The following FOXJ3 variants were observed in gnomAD, a reference collection of about 807,000 sequenced individuals.
FOXJ3 encodes forkhead box J3.
Under a neutral mutation model 76.1 loss-of-function variants are expected in FOXJ3, and 22 were observed. The observed-to-expected ratio is 0.29, with a 90% CI of 0.21 to 0.41. FOXJ3 has a LOEUF of 0.41. FOXJ3 is among the 10% of genes least tolerant of loss of function. The probability of loss-of-function intolerance (pLI) is 1.00; values close to 1 mark genes in which losing one functional copy is unlikely to be tolerated. For missense variants in FOXJ3, 613 were observed against 762.1 expected, an observed-to-expected ratio of 0.80 and a Z score of 2.30; for synonymous variants, 269 against 261.2, an observed-to-expected ratio of 1.03 and a Z score of -0.29.
intron 6 of FOXJ3, among the ~76,000 whole-genome samples, chr1:42,205,082 G>C (rs1363669797): frequency 6.6e-6 from 1 of 152,142 alleles, no homozygotes; most frequent in Non-Finnish European, 1.5e-5. Context: ...TATGGCTCTG[G>C]AGTACTCATG....
At chr1:42,278,743 CA>C in intron 2 of FOXJ3, 71 bp from the exon 3 acceptor site, 3 of 1,138,338 alleles carry the variant, frequency 2.6e-6, no homozygotes, top group Non-Finnish European at 3.8e-6. Context: ...CCAATATTCA[CA>C]AATCTAGGAG....
chr1:42,271,952 C>T (rs879314711), intron 3 of FOXJ3, among the ~76,000 whole-genome samples: 1 of 152,138 alleles, frequency 6.6e-6, no homozygotes, highest in Admixed American at 6.5e-5. Flanking sequence ...CTGCACAGAG[C>T]CTGAAAATTT....
At chr1:42,249,525 G>A (rs1300854905) in intron 4 of FOXJ3, among the ~76,000 whole-genome samples, 5 of 152,182 alleles carry the variant, frequency 3.3e-5, no homozygotes, top group Admixed American at 1.3e-4. Context: ...GTAAAATGAG[G>A]CAAAGTGACG....
At chr1:42,298,062 C>G (rs929285547) in intron 2 of FOXJ3, among the ~76,000 whole-genome samples, 1 of 152,052 alleles carries the variant, frequency 6.6e-6, no homozygotes, top group African/African-American at 2.4e-5. Context: ...GGCAGTTACC[C>G]TCATACTGTT....
chr1:42,219,934 T>C (rs887654552), intron 5 of FOXJ3, among the ~76,000 whole-genome samples: 8 of 152,216 alleles, frequency 5.3e-5, no homozygotes, highest in Non-Finnish European at 1.2e-4. Flanking sequence ...AATAAAGTTT[T>C]GGAGTTTTCT....
chr1:42,253,131 C>A (rs1305571066), intron 4 of FOXJ3, among the ~76,000 whole-genome samples: 3 of 150,072 alleles, frequency 2.0e-5, no homozygotes, highest in Non-Finnish European at 3.0e-5. Flanking sequence ...GATACAAAAT[C>A]AATGTACAAA....
chr1:42,229,075 C>T (rs1429089012), intron 4 of FOXJ3, among the ~76,000 whole-genome samples: 1 of 152,100 alleles, frequency 6.6e-6, no homozygotes, highest in Non-Finnish European at 1.5e-5. Flanking sequence ...TGTTCCTGTC[C>T]TACACGCTGA....
chr1:42,325,880 C>G (rs1461655443), intron 1 of FOXJ3, among the ~76,000 whole-genome samples: 2 of 152,158 alleles, frequency 1.3e-5, no homozygotes, highest in Non-Finnish European at 2.9e-5. Context: ...ATAAGATAAT[C>G]AATAATTTAT....
chr1:42,332,183 G>C (rs1366649463), intron 1 of FOXJ3, among the ~76,000 whole-genome samples: 1 of 152,088 alleles, frequency 6.6e-6, no homozygotes. Context: ...AATGCTATTA[G>C]CCTATTTCAA....
chr1:42,299,970 A>G (rs1472825836), intron 2 of FOXJ3, among the ~76,000 whole-genome samples: 2 of 152,060 alleles, frequency 1.3e-5, no homozygotes, highest in Non-Finnish European at 2.9e-5. Flanking sequence ...TGGAAGGCCC[A>G]GGTGGGCGGA....
intron 3 of FOXJ3, among the ~76,000 whole-genome samples, chr1:42,269,317 A>T (rs1477583852): frequency 6.6e-6 from 1 of 152,160 alleles, no homozygotes; most frequent in Non-Finnish European, 1.5e-5. Flanking sequence ...GGAAAATACA[A>T]ATCAAGATGG....
At chr1:42,301,903 C>T (rs1268375666) in intron 2 of FOXJ3, among the ~76,000 whole-genome samples, 2 of 151,864 alleles carry the variant, frequency 1.3e-5, no homozygotes, top group East Asian at 3.9e-4. Context: ...AGAGTTGTTC[C>T]TCTGGTTGCT....
chr1:42,204,901 T>C (rs1206210889), intron 6 of FOXJ3, among the ~76,000 whole-genome samples: 2 of 152,102 alleles, frequency 1.3e-5, no homozygotes, highest in Non-Finnish European at 2.9e-5. Context: ...AAAAGGATCC[T>C]AGGAGTACCA....
intron 5 of FOXJ3, among the ~76,000 whole-genome samples, chr1:42,208,312 A>G (rs1426214226): frequency 6.6e-6 from 1 of 152,250 alleles, no homozygotes. Context: ...AATCATATTC[A>G]ACAGTTCAGT....
Position 42,277,796 on chromosome 1 carries a change from CAAAAAAAAAAAAAAAA to C in FOXJ3, c.369+536_369+551del, listed in dbSNP as rs889209417. On this transcript the variant is annotated intron_variant, in intron 3 of 12. Transcript: ENST00000361346. ...TGGGCGACAGAGCGAGACTCCGTCTCAAAAAAAAAAAAAAAAAAAAAAAAAAAAAAATCTGCTGGGC... is the reference window on the plus strand; with the variant it reads ...TGGGCGACAGAGCGAGACTCCGTCTCAAAAAAAAAAAAAAATCTGCTGGGC... 2.9e-3 allele frequency among the ~76,000 whole-genome samples: 6 copies of C among 2,040 alleles called. 1 individual carries two copies. The highest frequency in any genetic ancestry group is 0.025 in the East Asian group (1 of 40). 1.3% of individuals were successfully genotyped at this position (2,040 alleles called of 152,430 possible).
At chr1:42,248,709 A>T (rs972103541) in intron 4 of FOXJ3, among the ~76,000 whole-genome samples, 4 of 150,112 alleles carry the variant, frequency 2.7e-5, no homozygotes, top group Non-Finnish European at 4.4e-5. Context: ...GTCCAGAAAG[A>T]ACTCAAGTCT....
rs769710942 is a variant in FOXJ3 at position 42,278,306 on chromosome 1, T to C, written c.369+42A>G. The C allele has an allele frequency of 6.2e-6, 8 of 1,296,458 alleles. No individual in the cohort carries two copies. The South Asian group carries it at 6.6e-5, about 11-fold the overall frequency. 80.3% of individuals were successfully genotyped at this position (1,296,458 alleles called of 1,614,324 possible). A position where few individuals can be genotyped will look rare whatever the true frequency, so the allele number is the denominator to read the frequency against. On this transcript the variant is annotated intron_variant, in intron 3 of 12. Coordinates refer to ENST00000361346, the MANE Select transcript of FOXJ3 (RefSeq NM_014947.5). ...TTATTTTCAGTAGAAATCAACATCA[T>C]TGCTTACTTCATAAAAGTAATAATT...
intron 8 of FOXJ3, among the ~76,000 whole-genome samples, chr1:42,194,150 A>G (rs1425088921): frequency 6.6e-6 from 1 of 152,250 alleles, no homozygotes; most frequent in Non-Finnish European, 1.5e-5. Context: ...CATGGGGTGT[A>G]AATAGTTAAT....
chr1:42,224,731 G>A (rs551420601), intron 5 of FOXJ3, among the ~76,000 whole-genome samples: 32 of 152,096 alleles, frequency 2.1e-4, no homozygotes, highest in Admixed American at 2.6e-4. Context: ...TTTATCTTCC[G>A]TTTAAGACAT....
Sources: allele counts gnomAD v4.1 joint callset (sites outside exome capture counted in the v4.1 genomes callset), GRCh38; gene constraint gnomAD v4.1.1; transcripts MANE v1.5; gene names NCBI Gene and HGNC (gene_info 2026-07-23, HGNC 2026-07-21).